Variants in ZNF385D observed in about 807,000 individuals in gnomAD.
ZNF385D encodes the protein zinc finger protein 385D, also known as zinc finger protein 659.
Under a neutral mutation model 35.8 loss-of-function variants are expected in ZNF385D, and 15 were observed. The ratio of observed to expected loss-of-function variants is 0.42; its 90% CI spans 0.28 to 0.64. ZNF385D has a LOEUF of 0.64. Ranked by LOEUF, ZNF385D falls within the 30% of genes least tolerant of loss-of-function variation. The probability of loss-of-function intolerance (pLI) is 0.23; values close to 1 mark genes in which losing one functional copy is unlikely to be tolerated. For synonymous variants in ZNF385D, 212 were observed against 186.8 expected (o/e 1.13, Z -1.10); for missense variants, 474 against 494.6 (o/e 0.96, Z 0.39).
chr3:21,930,712 G>A lies in ZNF385D; in HGVS notation c.325+238105C>T, dbSNP rs186510706. Among the ~76,000 whole-genome samples the A allele has an allele frequency of 2.7e-3, 415 of 152,240 alleles. 3 individuals are homozygous for A. The highest frequency in any genetic ancestry group is 4.3e-3 in the Non-Finnish European group (291 of 67,988). On this transcript the variant is annotated intron_variant, in intron 3 of 5. Transcript: ENST00000494108. The stretch of plus-strand genomic sequence containing the variant: ...ATTTTTGACAATGAAGCCAAGGCAA[G>A]TCAGTGAGAGGAATGATAGTCTTCC...
chr3:21,994,283 G>A (rs1352206624), intron 3 of ZNF385D, among the ~76,000 whole-genome samples: 1 of 152,184 alleles, frequency 6.6e-6, no homozygotes, highest in Non-Finnish European at 1.5e-5. Flanking sequence ...ATGATACAGG[G>A]AAAGTGATAA....
intron 3 of ZNF385D, among the ~76,000 whole-genome samples, chr3:21,944,097 AG>A (rs1422461520): frequency 1.3e-5 from 2 of 152,210 alleles, no homozygotes; most frequent in African/African-American, 4.8e-5. Context: ...CTTAAGTAAA[AG>A]GATAGTTTTT....
At chr3:21,816,500 A>G (rs2073155273) in intron 3 of ZNF385D, among the ~76,000 whole-genome samples, 1 of 152,198 alleles carries the variant, frequency 6.6e-6, no homozygotes, top group South Asian at 2.1e-4. Flanking sequence ...TACAAAATCA[A>G]TATGCAAATA....
intron 3 of ZNF385D, 95 bp from the exon 4 acceptor site, chr3:21,511,118 G>A: frequency 6.8e-7 from 1 of 1,474,756 alleles, no homozygotes; most frequent in South Asian, 1.3e-5. Flanking sequence ...TTCAATAACA[G>A]GTACCATTCG....
At chr3:22,215,672 G>C (rs890611174) in intron 2 of ZNF385D, among the ~76,000 whole-genome samples, 3 of 152,018 alleles carry the variant, frequency 2.0e-5, no homozygotes. Context: ...CTGTAGTCCT[G>C]TAATCTCGCC....
chr3:22,260,023 A>C (rs1451136468), intron 2 of ZNF385D, among the ~76,000 whole-genome samples: 3 of 152,018 alleles, frequency 2.0e-5, no homozygotes, highest in Non-Finnish European at 2.9e-5. Flanking sequence ...TGTGTGAGCA[A>C]AATATGCATA....
intron 3 of ZNF385D, among the ~76,000 whole-genome samples, chr3:22,116,283 A>G (rs1025024536): frequency 1.1e-4 from 16 of 152,052 alleles, no homozygotes; most frequent in African/African-American, 2.2e-4. Context: ...TTAACACCAA[A>G]TAACACTTTT....
chr3:21,864,177 G>T (rs770557954), intron 3 of ZNF385D, among the ~76,000 whole-genome samples: 1 of 152,038 alleles, frequency 6.6e-6, no homozygotes, highest in African/African-American at 2.4e-5. Context: ...CAGTCCTTTT[G>T]TTGCCATTTT....
chr3:21,938,500 G>A (rs192739510), intron 3 of ZNF385D, among the ~76,000 whole-genome samples: 3 of 152,276 alleles, frequency 2.0e-5, no homozygotes, highest in East Asian at 3.9e-4. Context: ...TTCAGACAAT[G>A]ACTCCACATA....
chr3:21,677,296 A>C (rs2066758404), intron 1 of ZNF385D, among the ~76,000 whole-genome samples: 1 of 152,046 alleles, frequency 6.6e-6, no homozygotes, highest in Admixed American at 6.6e-5. Flanking sequence ...AAGGTTAATG[A>C]GAAAACACAG....
Position 21,645,456 on chromosome 3 carries a change from G to A in ZNF385D, c.165+19430C>T, listed in dbSNP as rs575644199. Among the ~76,000 whole-genome samples, 2 of 152,224 alleles carry A rather than the reference G, an allele frequency of 1.3e-5. 1 individual carries two copies. The highest frequency in any genetic ancestry group is 4.1e-4 in the South Asian group (2 of 4,822). On this transcript the variant is annotated intron_variant, in intron 2 of 7. Transcript: ENST00000281523. ...GTCTTGAACTCTCCTAAAGGTGGGG[G>A]ATCTTAACTGCATTTGCAATTACCA...
chr3:21,968,516 TGAGGA>T (rs149641003), intron 3 of ZNF385D, among the ~76,000 whole-genome samples: 1 of 151,214 alleles, frequency 6.6e-6, no homozygotes, highest in African/African-American at 2.4e-5. Flanking sequence ...TCCTTCTGTC[TGAGGA>T]GAGGAGAGGA....
chr3:22,142,476 T>C (rs1332233461), intron 3 of ZNF385D, among the ~76,000 whole-genome samples: 3 of 152,216 alleles, frequency 2.0e-5, no homozygotes, highest in African/African-American at 7.2e-5. Flanking sequence ...GCTGAAGTTA[T>C]GAACAAAAGC....
intron 3 of ZNF385D, among the ~76,000 whole-genome samples, chr3:21,928,793 T>C (rs1194532115): frequency 6.6e-6 from 1 of 152,176 alleles, no homozygotes; most frequent in Non-Finnish European, 1.5e-5. Context: ...CAAGAAGTAA[T>C]AAGCAATCTG....
chr3:22,032,175 C>T (rs1043680283), intron 3 of ZNF385D, among the ~76,000 whole-genome samples: 1 of 152,210 alleles, frequency 6.6e-6, no homozygotes, highest in Non-Finnish European at 1.5e-5. Context: ...TCCGAAGTTT[C>T]CCACATCTTC....
At chr3:22,208,232 A>G (rs1697284275) in intron 2 of ZNF385D, among the ~76,000 whole-genome samples, 1 of 151,974 alleles carries the variant, frequency 6.6e-6, no homozygotes, top group Non-Finnish European at 1.5e-5. Context: ...TGTGCTACAT[A>G]TACACAATGG....
At chr3:21,690,863 T>A (rs1390585087) in intron 1 of ZNF385D, among the ~76,000 whole-genome samples, 4 of 152,194 alleles carry the variant, frequency 2.6e-5, no homozygotes, top group African/African-American at 9.7e-5. Context: ...ACGCTGCATG[T>A]CATCATTCAT....
intron 3 of ZNF385D, among the ~76,000 whole-genome samples, chr3:22,127,162 T>A (rs1478590822): frequency 6.6e-6 from 1 of 151,962 alleles, no homozygotes; most frequent in East Asian, 1.9e-4. Context: ...TTTAGGACAT[T>A]GACATTCAAT....
At chr3:21,798,207 CA>C (rs899511764) in intron 3 of ZNF385D, among the ~76,000 whole-genome samples, 22 of 152,126 alleles carry the variant, frequency 1.4e-4, no homozygotes, top group Admixed American at 2.6e-4. Flanking sequence ...AATCATCACA[CA>C]AAAAATAAAA....
Sources: allele counts gnomAD v4.1 joint callset (sites outside exome capture counted in the v4.1 genomes callset), GRCh38; gene constraint gnomAD v4.1.1; transcripts MANE v1.5; gene names NCBI Gene and HGNC (gene_info 2026-07-23, HGNC 2026-07-21).